The following CTNNA3 variants were observed in gnomAD, a reference collection of about 807,000 sequenced individuals.
CTNNA3 encodes the protein catenin alpha-3.
Under a neutral mutation model 95.7 loss-of-function variants are expected in CTNNA3, and 76 were observed. That is an observed-to-expected ratio of 0.79 (90% CI 0.66 to 0.96). CTNNA3 has a LOEUF of 0.96. Ranked by LOEUF, CTNNA3 falls within the 40% of genes least tolerant of loss-of-function variation. The pLI, the probability that CTNNA3 is intolerant of heterozygous loss-of-function variation, is 0.00. For missense variants in CTNNA3, 1,191 were observed against 1,089.8 expected, an observed-to-expected ratio of 1.09 and a Z score of -1.31; for synonymous variants, 431 against 374.4, an observed-to-expected ratio of 1.15 and a Z score of -1.74.
rs118020860 is a variant in CTNNA3, at chr10:66,517,242, A to G, written c.1531+3375T>C. ...TCTCAAAATAAATAAATAAATAAATAAAATAACCTTGAACTGTCAGAGGCA... is the reference window on the plus strand; with the variant it reads ...TCTCAAAATAAATAAATAAATAAATGAAATAACCTTGAACTGTCAGAGGCA... On this transcript the variant is annotated intron_variant, in intron 11 of 17. Coordinates refer to ENST00000433211, the MANE Select transcript of CTNNA3 (RefSeq NM_013266.4). Among the ~76,000 whole-genome samples the G allele has an allele frequency of 5.3e-5, 8 of 152,050 alleles. No homozygotes were observed. In the East Asian group the frequency reaches 1.4e-3, roughly 26 times the overall value.
At chr10:67,595,198 G>C (rs1167455890) in intron 3 of CTNNA3, among the ~76,000 whole-genome samples, 1 of 151,948 alleles carries the variant, frequency 6.6e-6, no homozygotes, top group African/African-American at 2.4e-5. Context: ...TTTTTCTCTT[G>C]CTTTTCTAGT....
intron 4 of CTNNA3, among the ~76,000 whole-genome samples, chr10:67,528,863 A>C (rs1840229911): frequency 1.3e-5 from 2 of 152,192 alleles, no homozygotes. Context: ...CTTCTTAAAA[A>C]ATGAAAATTT....
intron 16 of CTNNA3, among the ~76,000 whole-genome samples, chr10:65,973,358 C>A (rs1278208975): frequency 6.6e-6 from 1 of 152,044 alleles, no homozygotes; most frequent in Admixed American, 6.6e-5. Flanking sequence ...AGTGGAATCT[C>A]TAATTAAAGA....
chr10:67,645,800 T>C (rs926199314), intron 2 of CTNNA3, among the ~76,000 whole-genome samples: 1 of 151,764 alleles, frequency 6.6e-6, no homozygotes, highest in Non-Finnish European at 1.5e-5. Flanking sequence ...AGCCATATCA[T>C]ATATAAGTAA....
At chr10:65,959,213 T>C (rs1452650947) in intron 17 of CTNNA3, among the ~76,000 whole-genome samples, 5 of 152,186 alleles carry the variant, frequency 3.3e-5, no homozygotes, top group Non-Finnish European at 7.3e-5. Context: ...TATAATCTCC[T>C]GGTGCGCCAT....
intron 13 of CTNNA3, among the ~76,000 whole-genome samples, chr10:66,182,827 C>A (rs1341552722): frequency 1.3e-5 from 2 of 152,106 alleles, no homozygotes; most frequent in Non-Finnish European, 2.9e-5. Context: ...AAACCATGGT[C>A]TATAATAATT....
rs546376743 is a variant in CTNNA3 at position 66,561,341 on chromosome 10, C to G, written c.1375-40568G>C. ...AAAAACTGTATTTGTGAATTTGTTA[C>G]ATCTAACAATTATTATTAAATGTTT... On this transcript the variant is annotated intron_variant, in intron 10 of 17. Coordinates refer to ENST00000433211, the MANE Select transcript of CTNNA3 (RefSeq NM_013266.4). 4.6e-5 allele frequency among the ~76,000 whole-genome samples: 7 copies of G among 152,230 alleles called. No individual in the cohort carries two copies. The South Asian group carries it at 1.5e-3, about 32-fold the overall frequency.
At chr10:67,302,876 A>G (rs961053065) in intron 5 of CTNNA3, among the ~76,000 whole-genome samples, 37 of 152,240 alleles carry the variant, frequency 2.4e-4, no homozygotes, top group African/African-American at 8.0e-4. Context: ...AATAATTGAA[A>G]AAGGATTGAA....
At chr10:67,206,777 C>T (rs978758071) in intron 6 of CTNNA3, among the ~76,000 whole-genome samples, 1 of 151,776 alleles carries the variant, frequency 6.6e-6, no homozygotes, top group Admixed American at 6.6e-5. Flanking sequence ...AATTCAGTCT[C>T]TACTGAACAT....
intron 7 of CTNNA3, among the ~76,000 whole-genome samples, chr10:67,129,107 G>T (rs796072684): frequency 6.6e-6 from 1 of 152,052 alleles, no homozygotes; most frequent in East Asian, 1.9e-4. Flanking sequence ...TATCTTCTTC[G>T]GACTGCCACC....
chr10:67,199,495 A>G (rs1863537066), intron 6 of CTNNA3, among the ~76,000 whole-genome samples: 1 of 151,960 alleles, frequency 6.6e-6, no homozygotes, highest in African/African-American at 2.4e-5. Flanking sequence ...TGAGCCTCCC[A>G]AGTAGCTGGG....
At chr10:67,178,000 C>T (rs569717864) in intron 7 of CTNNA3, among the ~76,000 whole-genome samples, 1 of 152,152 alleles carries the variant, frequency 6.6e-6, no homozygotes, top group Non-Finnish European at 1.5e-5. Flanking sequence ...TGCTCTGCTA[C>T]CACAGTCTTG....
intron 8 of CTNNA3, among the ~76,000 whole-genome samples, chr10:66,772,252 T>C (rs4430404): frequency 0.85 from 128,652 of 151,430 alleles, 54,942 homozygotes; most frequent in East Asian, 1. Context: ...GGTGAAACCC[T>C]GTCTCTACTA....
chr10:67,020,716 C>A (rs953425792), intron 7 of CTNNA3, among the ~76,000 whole-genome samples: 43 of 152,116 alleles, frequency 2.8e-4, no homozygotes, highest in Middle Eastern at 6.8e-3. Flanking sequence ...GCACTAAAAC[C>A]TGGGTTTTAA....
intron 5 of CTNNA3, among the ~76,000 whole-genome samples, chr10:67,250,764 C>T (rs1314034549): frequency 1.3e-5 from 2 of 152,098 alleles, no homozygotes; most frequent in African/African-American, 4.8e-5. Context: ...CAAATAAAAC[C>T]ACAGTGAGTT....
intron 12 of CTNNA3, among the ~76,000 whole-genome samples, chr10:66,348,308 T>A (rs1044682193): frequency 1.3e-5 from 2 of 152,158 alleles, no homozygotes; most frequent in African/African-American, 4.8e-5. Context: ...GATTTGCATT[T>A]TGCTATCAAC....
intron 5 of CTNNA3, among the ~76,000 whole-genome samples, chr10:67,470,125 G>A (rs140867906): frequency 2.5e-3 from 374 of 152,066 alleles, no homozygotes; most frequent in Middle Eastern, 0.014. Flanking sequence ...TCTGGTAACC[G>A]TTCTCTTGCT....
At chr10:65,939,761 T>C (rs576996636) in intron 17 of CTNNA3, among the ~76,000 whole-genome samples, 5 of 152,304 alleles carry the variant, frequency 3.3e-5, no homozygotes, top group Admixed American at 1.3e-4. Context: ...GTTTTTATAA[T>C]ATAAATAATT....
At chr10:65,974,733 T>C (rs1316272224) in intron 16 of CTNNA3, among the ~76,000 whole-genome samples, 2 of 151,562 alleles carry the variant, frequency 1.3e-5, no homozygotes, top group African/African-American at 4.9e-5. Flanking sequence ...GTTGAAATTA[T>C]TTTTTAGATG....
Sources: allele counts gnomAD v4.1 joint callset (sites outside exome capture counted in the v4.1 genomes callset), GRCh38; gene constraint gnomAD v4.1.1; transcripts MANE v1.5; gene names NCBI Gene and HGNC (gene_info 2026-07-23, HGNC 2026-07-21).